Variants in FAM53B observed in about 807,000 individuals in gnomAD.
FAM53B encodes protein FAM53B.
In FAM53B, 12 loss-of-function variants were observed where a neutral mutation model predicts 32.7. The ratio of observed to expected loss-of-function variants is 0.37; its 90% CI spans 0.24 to 0.59. FAM53B has a LOEUF of 0.59. Ranked by LOEUF, FAM53B falls within the 20% of genes least tolerant of loss-of-function variation. FAM53B has a pLI of 0.72. For missense variants in FAM53B, 477 were observed against 577.7 expected (o/e 0.83, Z 1.79); for synonymous variants, 234 against 228.7 (o/e 1.02, Z -0.21).
At chr10:124,693,623 C>CCCGCT (rs1949849652) in intron 3 of FAM53B, among the ~76,000 whole-genome samples, 1 of 152,184 alleles carries the variant, frequency 6.6e-6, no homozygotes, top group African/African-American at 2.4e-5. Context: ...ACTGCTGACA[C>CCCGCT]CCGCTCCGCT....
intron 4 of FAM53B, among the ~76,000 whole-genome samples, chr10:124,648,644 T>C (rs1949536291): frequency 6.6e-6 from 1 of 152,258 alleles, no homozygotes; most frequent in Admixed American, 6.5e-5. Flanking sequence ...CCAGGCATGG[T>C]GCGTGCACCA....
At chr10:124,643,063 GAAAGA>G (rs1422304928) in intron 4 of FAM53B, among the ~76,000 whole-genome samples, 1 of 152,166 alleles carries the variant, frequency 6.6e-6, no homozygotes, top group Non-Finnish European at 1.5e-5. Context: ...TGATCTTAAA[GAAAGA>G]AAAGAAAGAG....
At chr10:124,674,955 C>A (rs1949728407) in intron 4 of FAM53B, among the ~76,000 whole-genome samples, 1 of 152,218 alleles carries the variant, frequency 6.6e-6, no homozygotes, top group Non-Finnish European at 1.5e-5. Context: ...GCCGGGGCCT[C>A]CCAGAGTCTC....
At position 124,743,152 on chromosome 10, in the gene FAM53B, T is replaced by TG. The variant is rs1004494069; in HGVS notation, c.-175+860dup. Among the ~76,000 whole-genome samples, 94 of 10,876 alleles carry TG rather than the reference T, an allele frequency of 8.6e-3. 1 individual carries two copies. In the South Asian group the frequency reaches 0.19, roughly 22 times the overall value. 7.1% of individuals were successfully genotyped at this position (10,876 alleles called of 152,430 possible). ...GAGAGCTGGGGGCTGGGGGACAAGG[T>TG]GGGGGGGCGGGGGGAGCGAGAACAC... On this transcript the variant is annotated intron_variant, in intron 1 of 4. Transcript: ENST00000337318.
At chr10:124,681,339 C>T (rs925336112) in intron 4 of FAM53B, among the ~76,000 whole-genome samples, 1 of 152,186 alleles carries the variant, frequency 6.6e-6, no homozygotes, top group Non-Finnish European at 1.5e-5. Flanking sequence ...GTCTGCCCAC[C>T]AACACCCCGC....
At chr10:124,736,732 G>A (rs939835525) in intron 1 of FAM53B, among the ~76,000 whole-genome samples, 28 of 152,350 alleles carry the variant, frequency 1.8e-4, no homozygotes, top group African/African-American at 6.7e-4. Flanking sequence ...TGCATAAGCC[G>A]CCTCTCCTGC....
intron 4 of FAM53B, among the ~76,000 whole-genome samples, chr10:124,629,433 C>A (rs1209368459): frequency 6.6e-6 from 1 of 152,196 alleles, no homozygotes; most frequent in Non-Finnish European, 1.5e-5. Flanking sequence ...TTATGGCGCT[C>A]TGTGTTAGAG....
At chr10:124,681,476 TA>T in intron 4 of FAM53B, 130 bp downstream of exon 4, 2 of 784,506 alleles carry the variant, frequency 2.5e-6, no homozygotes, top group Non-Finnish European at 4.0e-6. Context: ...GAATAGGATT[TA>T]AAAAAACAAG....
At chr10:124,690,360 C>A (rs553658613) in intron 3 of FAM53B, among the ~76,000 whole-genome samples, 2 of 152,238 alleles carry the variant, frequency 1.3e-5, no homozygotes, top group South Asian at 4.1e-4. Flanking sequence ...GGACACACAT[C>A]CAGCAAATGA....
intron 4 of FAM53B, among the ~76,000 whole-genome samples, chr10:124,640,391 G>A (rs1949462868): frequency 6.6e-6 from 1 of 152,236 alleles, no homozygotes; most frequent in African/African-American, 2.4e-5. Context: ...GGATAACAAG[G>A]GGAGTAGGGG....
intron 1 of FAM53B, among the ~76,000 whole-genome samples, chr10:124,728,465 T>A (rs1950121708): frequency 6.6e-6 from 1 of 151,032 alleles, no homozygotes; most frequent in Non-Finnish European, 1.5e-5. Context: ...GGGAAAGAGT[T>A]TCCATGCCAA....
rs1949311129 is a variant in FAM53B at position 124,621,597 on chromosome 10, G to GT, written c.*1644dup. On this transcript the variant is annotated 3_prime_UTR_variant, in exon 5 of 5. Coordinates refer to ENST00000337318, the MANE Select transcript of FAM53B (RefSeq NM_014661.4). ...GCTCCTTAAAGCTGATTTTTAAGAA[G>GT]TGCCACCCACATATTGGGAACTTGA... 6.6e-6 allele frequency: 1 copy of GT among 152,252 alleles called. No homozygotes were observed. The highest frequency in any genetic ancestry group is 1.5e-5 in the Non-Finnish European group (1 of 68,040). 9.4% of individuals were successfully genotyped at this position (152,252 alleles called of 1,614,324 possible).
intron 4 of FAM53B, among the ~76,000 whole-genome samples, chr10:124,674,112 T>C (rs1589746465): frequency 1.3e-5 from 2 of 152,278 alleles, no homozygotes; most frequent in African/African-American, 4.8e-5. Context: ...CCCTCAGAGT[T>C]ACAGAGCCCG....
chr10:124,680,627 C>G (rs1322269996), intron 4 of FAM53B, among the ~76,000 whole-genome samples: 1 of 152,168 alleles, frequency 6.6e-6, no homozygotes, highest in African/African-American at 2.4e-5. Context: ...TGCTGAGTGA[C>G]CAAGGCCATC....
At chr10:124,634,791 A>G (rs1949416878) in intron 4 of FAM53B, among the ~76,000 whole-genome samples, 1 of 152,118 alleles carries the variant, frequency 6.6e-6, no homozygotes, top group African/African-American at 2.4e-5. Context: ...GGGGACGGGG[A>G]GTGACTGCTA....
At chr10:124,735,393 G>A (rs1950167474) in intron 1 of FAM53B, among the ~76,000 whole-genome samples, 1 of 152,182 alleles carries the variant, frequency 6.6e-6, no homozygotes, top group South Asian at 2.1e-4. Flanking sequence ...TTCCTAGAGA[G>A]AAAACTTAGA....
At chr10:124,661,291 A>G (rs1949629769) in intron 4 of FAM53B, among the ~76,000 whole-genome samples, 1 of 152,174 alleles carries the variant, frequency 6.6e-6, no homozygotes, top group Admixed American at 6.5e-5. Flanking sequence ...AGAACTCAAC[A>G]GACACTGGGA....
In FAM53B at chr10:124,634,426, G is replaced by T. The variant is rs1335678978; in HGVS notation, c.907-10822C>A. On this transcript the variant is annotated intron_variant, in intron 4 of 4. Coordinates refer to ENST00000337318, the MANE Select transcript of FAM53B (RefSeq NM_014661.4). ...GAATTGTAGTTCCCATAATCCCCAC[G>T]TTTCGTGGGAGGGACGCAGTGGAAG... is the stretch of plus-strand genomic sequence containing the variant. Among the ~76,000 whole-genome samples, 3 of 152,174 alleles carry T rather than the reference G, an allele frequency of 2.0e-5. No homozygotes were observed. The East Asian group carries it at 5.8e-4, about 29-fold the overall frequency.
rs1949297938 is a variant in FAM53B at position 124,620,203 on chromosome 10, C to A, written c.*3039G>T. On this transcript the variant is annotated 3_prime_UTR_variant, in exon 5 of 5. Transcript: ENST00000337318. The stretch of plus-strand genomic sequence containing the variant: ...CCCCACGGGCCCAGGTGCACGTCTG[C>A]CCGTGCAAATCCGGCCTCCACCGCG... 6.6e-6 allele frequency: 1 copy of A among 152,624 alleles called. No individual in the cohort carries two copies. Among genetic ancestry groups the A allele is most frequent in the Admixed American group, 6.5e-5 (1 of 15,288 alleles). 9.5% of individuals were successfully genotyped at this position (152,624 alleles called of 1,614,324 possible). A position where few individuals can be genotyped will look rare whatever the true frequency, so the allele number is the denominator to read the frequency against.
Sources: allele counts gnomAD v4.1 joint callset (sites outside exome capture counted in the v4.1 genomes callset), GRCh38; gene constraint gnomAD v4.1.1; transcripts MANE v1.5; gene names NCBI Gene and HGNC (gene_info 2026-07-23, HGNC 2026-07-21).